The following RAB30 variants were observed in gnomAD, a reference collection of about 807,000 sequenced individuals.
The protein encoded by RAB30 is ras-related protein Rab-30.
In RAB30, 9 loss-of-function variants were observed where a neutral mutation model predicts 25.1. The observed-to-expected ratio is 0.36, with a 90% CI of 0.22 to 0.63. The LOEUF (loss-of-function observed/expected upper bound fraction) is 0.63. RAB30 is among the 20% of genes least tolerant of loss of function. The probability of loss-of-function intolerance (pLI) is 0.69; values close to 1 mark genes in which losing one functional copy is unlikely to be tolerated. For missense variants in RAB30, 140 were observed against 243.5 expected, an observed-to-expected ratio of 0.58 and a Z score of 2.83; for synonymous variants, 77 against 86.4, an observed-to-expected ratio of 0.89 and a Z score of 0.60.
In RAB30 at chr11:82,978,301, C is replaced by T. The variant is rs1037709792; in HGVS notation, c.*3864G>A. 3.9e-5 allele frequency: 6 copies of T among 152,184 alleles called. No homozygotes were observed. The highest frequency in any genetic ancestry group is 3.4e-3 in the Middle Eastern group (1 of 294). The allele number at this position is 152,184 out of a possible 1,614,324, so 9.4% of individuals were successfully genotyped here. ...AGCAATGATCCCTAAGTACTCATTA[C>T]TATGAAATACAGAGTTCTACAAGAT... On this transcript the variant is annotated 3_prime_UTR_variant, in exon 5 of 5. Coordinates refer to ENST00000527633, the MANE Select transcript of RAB30 (RefSeq NM_001286060.2).
At chr11:83,067,006 C>T (rs528927525) in intron 1 of RAB30, among the ~76,000 whole-genome samples, 53 of 152,264 alleles carry the variant, frequency 3.5e-4, no homozygotes, top group Middle Eastern at 6.8e-3. Flanking sequence ...TTTAGAGTCC[C>T]TAATTTGTGT....
chr11:83,018,405 C>T (rs117349997), intron 1 of RAB30, among the ~76,000 whole-genome samples: 20,552 of 151,072 alleles, frequency 0.14, 1,861 homozygotes, highest in African/African-American at 0.26. Context: ...AAGGTGGTAT[C>T]TCATTGTGGT....
At chr11:82,990,128 C>T (rs564336159) in intron 3 of RAB30, among the ~76,000 whole-genome samples, 99 of 152,322 alleles carry the variant, frequency 6.5e-4, no homozygotes, top group African/African-American at 2.3e-3. Flanking sequence ...GGCTTTCTAA[C>T]CACTCTCACC....
intron 1 of RAB30, among the ~76,000 whole-genome samples, chr11:83,008,446 A>T (rs1002410827): frequency 6.6e-6 from 1 of 152,252 alleles, no homozygotes; most frequent in African/African-American, 2.4e-5. Flanking sequence ...TGTGTCAAGC[A>T]AAAGAATGAC....
At chr11:83,047,180 A>G (rs1214918229) in intron 1 of RAB30, among the ~76,000 whole-genome samples, 1 of 151,042 alleles carries the variant, frequency 6.6e-6, no homozygotes, top group Non-Finnish European at 1.5e-5. Flanking sequence ...AAATGCCCCC[A>G]GGGTGGACGC....
chr11:83,069,406 A>G (rs1415541817), intron 1 of RAB30, among the ~76,000 whole-genome samples: 2 of 152,232 alleles, frequency 1.3e-5, no homozygotes, highest in Non-Finnish European at 2.9e-5. Context: ...TATAGCCACT[A>G]TCACACTCTT....
intron 4 of RAB30, among the ~76,000 whole-genome samples, chr11:82,982,682 T>C (rs529488135): frequency 9.9e-5 from 15 of 152,112 alleles, no homozygotes; most frequent in African/African-American, 3.6e-4. Context: ...GCCAATATGG[T>C]GAAACCCCGT....
At chr11:83,053,720 G>A (rs1858401997) in intron 1 of RAB30, among the ~76,000 whole-genome samples, 1 of 151,994 alleles carries the variant, frequency 6.6e-6, no homozygotes. Context: ...ACAAATTGCT[G>A]GGAACTTAAC....
intron 1 of RAB30, among the ~76,000 whole-genome samples, chr11:83,037,277 T>C (rs1858007130): frequency 6.6e-6 from 1 of 152,078 alleles, no homozygotes; most frequent in Non-Finnish European, 1.5e-5. Context: ...TGAGACAAAG[T>C]CTTATTCTGT....
At chr11:83,069,523 C>A (rs1335948883) in intron 1 of RAB30, among the ~76,000 whole-genome samples, 1 of 151,984 alleles carries the variant, frequency 6.6e-6, no homozygotes, top group Non-Finnish European at 1.5e-5. Flanking sequence ...TTCAAAAAAC[C>A]AAATGGGCAG....
intron 1 of RAB30, among the ~76,000 whole-genome samples, chr11:83,006,905 AAGTATCCAC>A: frequency 6.6e-6 from 1 of 152,224 alleles, no homozygotes; most frequent in Non-Finnish European, 1.5e-5. Flanking sequence ...CCTCAAAACC[AAGTATCCAC>A]AGTATGGCAG....
At chr11:83,040,185 C>T (rs927505591) in intron 1 of RAB30, among the ~76,000 whole-genome samples, 2 of 152,200 alleles carry the variant, frequency 1.3e-5, no homozygotes, top group African/African-American at 4.8e-5. Flanking sequence ...AAATAAGTCA[C>T]CTTCTGCTCT....
intron 2 of RAB30, among the ~76,000 whole-genome samples, chr11:82,994,358 G>C (rs1309848665): frequency 6.6e-6 from 1 of 152,140 alleles, no homozygotes; most frequent in African/African-American, 2.4e-5. Flanking sequence ...AGAGGAAAGA[G>C]ACAGGAGGAC....
At chr11:82,985,205 T>G (rs1042102686) in intron 4 of RAB30, among the ~76,000 whole-genome samples, 1 of 151,894 alleles carries the variant, frequency 6.6e-6, no homozygotes, top group Non-Finnish European at 1.5e-5. Flanking sequence ...CCTCAAGTGA[T>G]CCACCCGCCT....
intron 1 of RAB30, among the ~76,000 whole-genome samples, chr11:83,009,224 C>T (rs1042435708): frequency 1.3e-5 from 2 of 152,080 alleles, no homozygotes; most frequent in African/African-American, 4.8e-5. Flanking sequence ...CGCCACCATG[C>T]CTGGCTAATT....
rs1331699032 is a variant in RAB30 at position 82,979,194 on chromosome 11, ATTAT to A, written c.*2967_*2970del. ...AAGAAAATATCATTATCAGCAAACT[ATTAT>A]TTCATAGATTTTCCCAAGCCTGACT... is the stretch of plus-strand genomic sequence containing the variant. On this transcript the variant is annotated 3_prime_UTR_variant, in exon 5 of 5. Transcript: ENST00000527633. 3.3e-5 allele frequency: 5 copies of A among 152,294 alleles called. No individual in the cohort carries two copies. In the East Asian group the frequency reaches 9.6e-4, roughly 29 times the overall value. 9.4% of individuals were successfully genotyped at this position (152,294 alleles called of 1,614,324 possible).
intron 1 of RAB30, among the ~76,000 whole-genome samples, chr11:83,047,498 T>TA (rs1490170921): frequency 1.3e-5 from 2 of 152,222 alleles, no homozygotes; most frequent in African/African-American, 4.8e-5. Context: ...CTATTGTTGT[T>TA]AAAAATACAC....
At chr11:82,985,078 A>G (rs1856715331) in intron 4 of RAB30, among the ~76,000 whole-genome samples, 1 of 152,110 alleles carries the variant, frequency 6.6e-6, no homozygotes, top group Non-Finnish European at 1.5e-5. Context: ...CCCAGGTTCA[A>G]GAGATTCTCC....
intron 1 of RAB30, among the ~76,000 whole-genome samples, chr11:83,016,329 A>G (rs762715152): frequency 6.6e-5 from 10 of 152,258 alleles, no homozygotes; most frequent in South Asian, 6.2e-4. Flanking sequence ...GAAAAGAAAC[A>G]GAGAAACTAG....
Sources: allele counts gnomAD v4.1 joint callset (sites outside exome capture counted in the v4.1 genomes callset), GRCh38; gene constraint gnomAD v4.1.1; transcripts MANE v1.5; gene names NCBI Gene and HGNC (gene_info 2026-07-23, HGNC 2026-07-21).